Variants in LRRC8C observed in about 807,000 individuals in gnomAD.
The protein encoded by LRRC8C is leucine rich repeat containing 8 VRAC subunit C, also known as volume-regulated anion channel subunit LRRC8C.
Under a neutral mutation model 55.3 loss-of-function variants are expected in LRRC8C, and 20 were observed. The ratio of observed to expected loss-of-function variants is 0.36; its 90% CI spans 0.25 to 0.53. The LOEUF (loss-of-function observed/expected upper bound fraction) is 0.53, where lower values mean the gene tolerates loss of function less well. Ranked by LOEUF, LRRC8C falls within the 20% of genes least tolerant of loss-of-function variation. The probability of loss-of-function intolerance (pLI) is 0.92; values close to 1 mark genes in which losing one functional copy is unlikely to be tolerated. For synonymous variants in LRRC8C, 376 were observed against 360.7 expected, an observed-to-expected ratio of 1.04 and a Z score of -0.48; for missense variants, 659 against 951.4, an observed-to-expected ratio of 0.69 and a Z score of 4.04.
At chr1:89,662,083 G>GA (rs1156949448) in intron 1 of LRRC8C, among the ~76,000 whole-genome samples, 3 of 152,160 alleles carry the variant, frequency 2.0e-5, no homozygotes, top group African/African-American at 7.2e-5. Context: ...GCCTCCCTGG[G>GA]ACACACTTGA....
intron 1 of LRRC8C, among the ~76,000 whole-genome samples, chr1:89,672,539 C>T (rs1657450954): frequency 6.6e-6 from 1 of 152,188 alleles, no homozygotes; most frequent in Admixed American, 6.5e-5. Flanking sequence ...CTTTCAAAGA[C>T]ACCGCATCTG....
rs188571364 is a variant in LRRC8C, at chr1:89,663,218, A to G, written c.-4-23252A>G. On this transcript the variant is annotated intron_variant, in intron 1 of 2. Coordinates refer to ENST00000370454, the MANE Select transcript of LRRC8C (RefSeq NM_032270.5). ...GTGCCACATTTTCTTTATCCAGTCTATCATTGATGGGCATTTGGGTTGGTT... is the reference window on the plus strand; with the variant it reads ...GTGCCACATTTTCTTTATCCAGTCTGTCATTGATGGGCATTTGGGTTGGTT... Among the ~76,000 whole-genome samples, 379 of 152,216 alleles carry G rather than the reference A, an allele frequency of 2.5e-3. 3 individuals are homozygous for G. Among genetic ancestry groups the G allele is most frequent in the African/African-American group, 8.7e-3 (360 of 41,532 alleles).
intron 1 of LRRC8C, among the ~76,000 whole-genome samples, chr1:89,656,736 C>T (rs920034742): frequency 5.3e-5 from 8 of 152,186 alleles, no homozygotes; most frequent in African/African-American, 1.9e-4. Flanking sequence ...CTGTTCGGCA[C>T]TTTCCATGAA....
chr1:89,714,060 G>T lies in LRRC8C; in HGVS notation c.1490G>T (p.Ser497Ile). 6.2e-7 allele frequency: 1 copy of T among 1,613,926 alleles called. No homozygotes were observed. The highest frequency in any genetic ancestry group is 8.5e-7 in the Non-Finnish European group (1 of 1,180,024). Residue 497 changes from serine to isoleucine, a missense_variant, in exon 3 of 3, where the codon AGC becomes ATC. By Grantham distance (142) the Ser-to-Ile change is moderately radical (BLOSUM62 -2). Around this residue, in one of 5 missense-constraint regions of LRRC8C, gnomAD observed 344 missense variants for 464.6 expected, o/e 0.74. Transcript: ENST00000370454. The surrounding 1 kb of genome is among the most constrained non-coding windows in gnomAD (Gnocchi z 4.6). ...CTGAAGGAAAACCTCAAGGTCTTGA[G>T]CGTCAAGTTTGATGACATGAGGGAA... is the stretch of plus-strand genomic sequence containing the variant. ...SFLKENLKVLSVKFDDMRELP... is the reference protein window; with the variant it reads ...SFLKENLKVLIVKFDDMRELP...
chr1:89,626,887 A>G, the LRRC8C span: 1 of 151,214 alleles, frequency 6.6e-6, no homozygotes, highest in African/African-American at 2.4e-5. Flanking sequence ...TAATTAAGTC[A>G]GTTTCCAGTT....
chr1:89,695,967 G>A lies in LRRC8C; in HGVS notation c.138+9356G>A, dbSNP rs539994178. 3.3e-5 allele frequency among the ~76,000 whole-genome samples: 5 copies of A among 152,318 alleles called. No individual in the cohort carries two copies. The East Asian group carries it at 7.7e-4, about 23-fold the overall frequency. ...ATTGTTTTTAGTCTCTTTAGAAACTGTAGACCTCAAAATGTCTTCTCTGGG... is the reference window on the plus strand; with the variant it reads ...ATTGTTTTTAGTCTCTTTAGAAACTATAGACCTCAAAATGTCTTCTCTGGG... On this transcript the variant is annotated intron_variant, in intron 2 of 2. Transcript: ENST00000370454.
At chr1:89,703,547 T>TAA (rs75382206) in intron 2 of LRRC8C, among the ~76,000 whole-genome samples, 88 of 126,714 alleles carry the variant, frequency 6.9e-4, no homozygotes, top group African/African-American at 2.4e-3. Context: ...GTACAGATTG[T>TAA]AAAAAAAAAA....
intron 1 of LRRC8C, 74 bp from the exon 2 acceptor site, chr1:89,686,396 A>T: frequency 6.6e-7 from 1 of 1,520,802 alleles, no homozygotes; most frequent in Non-Finnish European, 9.0e-7. Context: ...GAGGAGTTGG[A>T]GCCACATTTG....
intron 2 of LRRC8C, among the ~76,000 whole-genome samples, chr1:89,709,870 G>A (rs112513536): frequency 2.0e-5 from 3 of 151,742 alleles, no homozygotes; most frequent in African/African-American, 7.2e-5. Context: ...TCCTGCCTCA[G>A]CCTCCCCAGT....
At chr1:89,710,888 T>C (rs1658631540) in intron 2 of LRRC8C, among the ~76,000 whole-genome samples, 1 of 152,200 alleles carries the variant, frequency 6.6e-6, no homozygotes, top group Non-Finnish European at 1.5e-5. Context: ...TGGGTCTAGG[T>C]GATTCTGAGC....
intron 2 of LRRC8C, among the ~76,000 whole-genome samples, chr1:89,706,586 G>A (rs1658488255): frequency 1.3e-5 from 2 of 152,084 alleles, no homozygotes; most frequent in Admixed American, 1.3e-4. Flanking sequence ...ATTTCACGTT[G>A]ACCATTCAAG....
In LRRC8C at chr1:89,715,544, C is replaced by A. The variant is rs1658794386; in HGVS notation, c.*562C>A. On this transcript the variant is annotated 3_prime_UTR_variant, in exon 3 of 3. Coordinates refer to ENST00000370454, the MANE Select transcript of LRRC8C (RefSeq NM_032270.5). Reference sequence around the variant, plus strand: ...ACCCTAAACTGTGTTATTTCATATACCTGACAGTTATTGTTATCCTTAGGC... The same window carrying A: ...ACCCTAAACTGTGTTATTTCATATAACTGACAGTTATTGTTATCCTTAGGC... The A allele has an allele frequency of 6.6e-6, 1 of 152,130 alleles. No homozygotes were observed. The highest frequency in any genetic ancestry group is 2.4e-5 in the African/African-American group (1 of 41,420). 9.4% of individuals were successfully genotyped at this position (152,130 alleles called of 1,614,324 possible).
At chr1:89,707,668 G>GTGTA (rs1318845223) in intron 2 of LRRC8C, among the ~76,000 whole-genome samples, 3 of 150,056 alleles carry the variant, frequency 2.0e-5, no homozygotes, top group Admixed American at 1.3e-4. Context: ...GTGTGTGTGT[G>GTGTA]TGTGTGTAGC....
intron 1 of LRRC8C, among the ~76,000 whole-genome samples, chr1:89,642,483 G>A (rs1656488524): frequency 1.3e-5 from 2 of 152,228 alleles, no homozygotes; most frequent in Non-Finnish European, 2.9e-5. Flanking sequence ...GGGAGGCCTA[G>A]GTAAGCGGAT....
At chr1:89,707,418 A>AC (rs1191512354) in intron 2 of LRRC8C, among the ~76,000 whole-genome samples, 5 of 151,100 alleles carry the variant, frequency 3.3e-5, no homozygotes, top group African/African-American at 1.2e-4. Flanking sequence ...AAAAAACAAA[A>AC]ACAAAAAAAC....
At position 89,714,089 on chromosome 1, in the gene LRRC8C, C is replaced by T; in HGVS notation, c.1519C>T (p.Pro507Ser). 1 of 1,614,034 alleles carries T rather than the reference C, an allele frequency of 6.2e-7. No individual in the cohort carries two copies. Among genetic ancestry groups the T allele is most frequent in the African/African-American group, 1.3e-5 (1 of 75,008 alleles). Residue 507 changes from proline to serine, a missense_variant, in exon 3 of 3, where the codon CCC (proline) becomes TCC (serine). By Grantham distance (74) the Pro-to-Ser change is moderately conservative. Coordinates refer to ENST00000370454, the MANE Select transcript of LRRC8C (RefSeq NM_032270.5). The surrounding 1 kb of genome is among the most constrained non-coding windows in gnomAD (Gnocchi z 4.6). ...SVKFDDMREL[P>S]PWMYGLRNLE... ...CAAGTTTGATGACATGAGGGAACTCCCCCCCTGGATGTATGGGCTCCGAAA... is the reference window on the plus strand; with the variant it reads ...CAAGTTTGATGACATGAGGGAACTCTCCCCCTGGATGTATGGGCTCCGAAA...
At chr1:89,617,867 C>T in the LRRC8C span, among the ~76,000 whole-genome samples, 1 of 152,106 alleles carries the variant, frequency 6.6e-6, no homozygotes, top group Non-Finnish European at 1.5e-5. Context: ...GACTGTATCT[C>T]AAGATGAGCC....
intron 1 of LRRC8C, among the ~76,000 whole-genome samples, chr1:89,642,857 A>G (rs967988338): frequency 3.3e-5 from 5 of 151,700 alleles, no homozygotes; most frequent in Admixed American, 6.6e-5. Flanking sequence ...AAAAAAAAAA[A>G]AAATACAAAA....
the LRRC8C span, among the ~76,000 whole-genome samples, chr1:89,622,335 A>ATTTT: frequency 0.2 from 28,994 of 145,234 alleles, 4,323 homozygotes; most frequent in East Asian, 0.62. Context: ...TACATGTAAA[A>ATTTT]TTTTTTTTTT....
Sources: gnomAD v4.1 joint callset for allele counts (sites outside exome capture counted in the v4.1 genomes callset) on GRCh38, gnomAD v4.1.1 for gene constraint, gnomAD v4.1.1 regional missense constraint, Gnocchi (gnomAD v3.1) non-coding constraint, MANE v1.5 for transcripts, NCBI Gene and HGNC (gene_info 2026-07-23, HGNC 2026-07-21) for gene names.